Variants in PRKN observed in about 807,000 individuals in gnomAD.
The protein encoded by PRKN is parkin RBR E3 ubiquitin protein ligase.
Under a neutral mutation model 59.5 loss-of-function variants are expected in PRKN, and 56 were observed. The ratio of observed to expected loss-of-function variants is 0.94; its 90% CI spans 0.76 to 1.18. The LOEUF is 1.18. Ranked by LOEUF, PRKN falls within the 50% of genes most tolerant of loss-of-function variation. The probability of loss-of-function intolerance (pLI) is 0.00; values close to 1 mark genes in which losing one functional copy is unlikely to be tolerated. For missense variants in PRKN, 657 were observed against 596.4 expected (o/e 1.10, Z -1.06); for synonymous variants, 250 against 222.1 (o/e 1.13, Z -1.12).
At position 161,554,643 on chromosome 6, in the gene PRKN, A is replaced by G. The variant is rs933580766; in HGVS notation, c.934-5640T>C. ...AAATCTTTATATTATACATAAAAAG[A>G]ATATATGGAATTATAGTTTCTTACA... On this transcript the variant is annotated intron_variant, in intron 8 of 11. Coordinates refer to ENST00000366898, the MANE Select transcript of PRKN (RefSeq NM_004562.3). The surrounding 1 kb of genome is among the most constrained non-coding windows in gnomAD (Gnocchi z 4.5). 2.0e-5 allele frequency among the ~76,000 whole-genome samples: 3 copies of G among 151,858 alleles called. No homozygotes were observed. Among genetic ancestry groups the G allele is most frequent in the Admixed American group, 6.6e-5 (1 of 15,236 alleles).
intron 7 of PRKN, among the ~76,000 whole-genome samples, chr6:161,641,540 A>G (rs1004830682): frequency 3.9e-5 from 6 of 152,104 alleles, no homozygotes; most frequent in African/African-American, 1.4e-4. Context: ...CCCATCCCCG[A>G]GTTTTCTGGG....
intron 1 of PRKN, among the ~76,000 whole-genome samples, chr6:162,518,169 T>G (rs1777943045): frequency 6.6e-6 from 1 of 152,172 alleles, no homozygotes; most frequent in Admixed American, 6.6e-5. Flanking sequence ...AGCTAATCAG[T>G]TAACAGTCTT....
Position 162,173,910 on chromosome 6 carries a change from G to T in PRKN, c.534+27221C>A, listed in dbSNP as rs1208949773. ...GGGTGTCAGCTATTCTCATCGTCACGATCAGTCTATGAGATGGAGTCCACT... is the reference window on the plus strand; with the variant it reads ...GGGTGTCAGCTATTCTCATCGTCACTATCAGTCTATGAGATGGAGTCCACT... On this transcript the variant is annotated intron_variant, in intron 4 of 11. Coordinates refer to ENST00000366898, the MANE Select transcript of PRKN (RefSeq NM_004562.3). 4.6e-5 allele frequency among the ~76,000 whole-genome samples: 7 copies of T among 152,322 alleles called. No individual in the cohort carries two copies. In the East Asian group the frequency reaches 1.4e-3, roughly 29 times the overall value.
rs184835230 is a variant in PRKN at position 162,165,100 on chromosome 6, T to C, written c.534+36031A>G. 4.0e-5 allele frequency among the ~76,000 whole-genome samples: 6 copies of C among 148,870 alleles called. 2 individuals carry two copies. The highest frequency in any genetic ancestry group is 5.9e-5 in the Non-Finnish European group (4 of 67,360). On this transcript the variant is annotated intron_variant, in intron 4 of 11. Coordinates refer to ENST00000366898, the MANE Select transcript of PRKN (RefSeq NM_004562.3). ...GGTCATTTGATTTTCAACAAATGTA[T>C]CATAGTCATCCAAATAAAAAAGTAA... is the stretch of plus-strand genomic sequence containing the variant.
At chr6:162,169,957 C>T (rs754029724) in intron 4 of PRKN, among the ~76,000 whole-genome samples, 4 of 152,098 alleles carry the variant, frequency 2.6e-5, no homozygotes, top group Admixed American at 6.6e-5. Context: ...GGGAAGAAAG[C>T]GACGATCCAA....
intron 6 of PRKN, among the ~76,000 whole-genome samples, chr6:161,927,446 T>G (rs1478968470): frequency 6.6e-6 from 1 of 152,070 alleles, no homozygotes; most frequent in Non-Finnish European, 1.5e-5. Flanking sequence ...CACTTATAAC[T>G]AGAATAGAAG....
intron 6 of PRKN, among the ~76,000 whole-genome samples, chr6:161,918,762 G>T (rs914089081): frequency 6.6e-6 from 1 of 152,152 alleles, no homozygotes; most frequent in African/African-American, 2.4e-5. Context: ...GCTTTGAATA[G>T]ACATTTCACT....
At position 161,936,489 on chromosome 6, in the gene PRKN, G is replaced by A. The variant is rs1480278352; in HGVS notation, c.734+36813C>T. Among the ~76,000 whole-genome samples, 11 of 151,958 alleles carry A rather than the reference G, an allele frequency of 7.2e-5. No individual in the cohort carries two copies. The East Asian group carries it at 2.0e-3, about 27-fold the overall frequency. Reference sequence around the variant, plus strand: ...CTCCCAAAGTGCTGGGATTACAGGCGTGAGTCACCATGCCCGGCTGGTAAC... The same window carrying A: ...CTCCCAAAGTGCTGGGATTACAGGCATGAGTCACCATGCCCGGCTGGTAAC... On this transcript the variant is annotated intron_variant, in intron 6 of 11. Transcript: ENST00000366898.
intron 6 of PRKN, among the ~76,000 whole-genome samples, chr6:161,969,286 T>A (rs1234843036): frequency 2.0e-5 from 3 of 148,738 alleles, no homozygotes; most frequent in Admixed American, 6.7e-5. Flanking sequence ...TTTTTTTTTT[T>A]AACTGTGAGT....
At chr6:161,370,591 C>CAAAA (rs560655971) in intron 10 of PRKN, among the ~76,000 whole-genome samples, 7 of 57,806 alleles carry the variant, frequency 1.2e-4, no homozygotes, top group South Asian at 6.5e-4. Context: ...GACTCTGTGT[C>CAAAA]AAAAAAAAAA....
At position 161,445,667 on chromosome 6, in the gene PRKN, C is replaced by T. The variant is rs528530589; in HGVS notation, c.1084-58790G>A. On this transcript the variant is annotated intron_variant, in intron 9 of 11. Coordinates refer to ENST00000366898, the MANE Select transcript of PRKN (RefSeq NM_004562.3). This position sits in a 1 kb window ranked among gnomAD's most constrained non-coding sequence, Gnocchi z 7.7. ...GCAGCATGATAGAGGCCAGCTGCCC[C>T]GCACCAGGTCTGCGTGTCACAGGGC... 2.2e-4 allele frequency among the ~76,000 whole-genome samples: 34 copies of T among 152,314 alleles called. 1 individual carries two copies. Among genetic ancestry groups the T allele is most frequent in the South Asian group, 8.3e-4 (4 of 4,826 alleles).
chr6:162,641,708 C>T (rs182061467), intron 1 of PRKN, among the ~76,000 whole-genome samples: 3 of 152,290 alleles, frequency 2.0e-5, no homozygotes, highest in East Asian at 1.9e-4. Flanking sequence ...TCACTCCATC[C>T]GCCCTCTGTT....
rs188226898 is a variant in PRKN at position 161,885,538 on chromosome 6, C to G, written c.734+87764G>C. Among the ~76,000 whole-genome samples the G allele has an allele frequency of 7.0e-4, 106 of 151,850 alleles. 1 individual carries two copies. Among genetic ancestry groups the G allele is most frequent in the Middle Eastern group, 3.4e-3 (1 of 294 alleles). Reference sequence around the variant, plus strand: ...AAATTAGCCAGGCGTGGTGGCGGGCCCCTGTAGTCCCAGCTGCTCGGGAGG... The same window carrying G: ...AAATTAGCCAGGCGTGGTGGCGGGCGCCTGTAGTCCCAGCTGCTCGGGAGG... On this transcript the variant is annotated intron_variant, in intron 6 of 11. Coordinates refer to ENST00000366898, the MANE Select transcript of PRKN (RefSeq NM_004562.3).
rs142061051 is a variant in PRKN at position 162,700,198 on chromosome 6, T to C, written c.7+27464A>G. On this transcript the variant is annotated intron_variant, in intron 1 of 11. Transcript: ENST00000366898. ...CCTGCAATTGCCCCATGCTTAGGCA[T>C]GTTAAACAAATTTGTAAGTCTTCTT... 6.1e-4 allele frequency among the ~76,000 whole-genome samples: 93 copies of C among 152,306 alleles called. No homozygotes were observed. In the South Asian group the frequency reaches 8.3e-3, roughly 14 times the overall value.
At chr6:162,050,178 C>A (rs1777574534) in intron 5 of PRKN, among the ~76,000 whole-genome samples, 1 of 152,118 alleles carries the variant, frequency 6.6e-6, no homozygotes, top group Admixed American at 6.5e-5. Context: ...TCCTGAAAAT[C>A]TATTTTATGT....
intron 5 of PRKN, among the ~76,000 whole-genome samples, chr6:162,006,486 C>G (rs930495048): frequency 2.0e-5 from 3 of 152,174 alleles, no homozygotes; most frequent in African/African-American, 4.8e-5. Flanking sequence ...CTCTAGTGTT[C>G]CATTCCACTT....
chr6:162,355,781 A>G (rs1055408639), intron 2 of PRKN, among the ~76,000 whole-genome samples: 1 of 151,952 alleles, frequency 6.6e-6, no homozygotes, highest in African/African-American at 2.4e-5. Context: ...AGTGACATAA[A>G]GGAAACCAAG....
intron 1 of PRKN, among the ~76,000 whole-genome samples, chr6:162,668,730 T>C (rs1165804259): frequency 6.6e-6 from 1 of 152,198 alleles, no homozygotes; most frequent in African/African-American, 2.4e-5. Context: ...TAGCATCCTG[T>C]GGCCTCGATG....
In PRKN at chr6:162,465,642, G is replaced by A. The variant is rs992916513; in HGVS notation, c.8-22169C>T. 3.3e-5 allele frequency among the ~76,000 whole-genome samples: 5 copies of A among 152,132 alleles called. 1 individual carries two copies. The highest frequency in any genetic ancestry group is 7.4e-5 in the Non-Finnish European group (5 of 68,016). On this transcript the variant is annotated intron_variant, in intron 1 of 11. Coordinates refer to ENST00000366898, the MANE Select transcript of PRKN (RefSeq NM_004562.3). ...TCTTTAGCAATTTCAAGAAAGAATAGGAAGTGTTAATGTTAGTTTAATTAT... is the reference window on the plus strand; with the variant it reads ...TCTTTAGCAATTTCAAGAAAGAATAAGAAGTGTTAATGTTAGTTTAATTAT...
Sources: allele counts gnomAD v4.1 joint callset (sites outside exome capture counted in the v4.1 genomes callset), GRCh38; gene constraint gnomAD v4.1.1; non-coding constraint Gnocchi (gnomAD v3.1); transcripts MANE v1.5; gene names NCBI Gene and HGNC (gene_info 2026-07-23, HGNC 2026-07-21).